FYB1: variants seen among roughly 807,000 people sequenced by gnomAD.
FYB1 encodes the protein FYN binding protein 1.
Under a neutral mutation model 94.1 loss-of-function variants are expected in FYB1, and 41 were observed. The observed-to-expected ratio is 0.44, with a 90% CI of 0.34 to 0.57. The LOEUF (loss-of-function observed/expected upper bound fraction) is 0.57, where lower values mean the gene tolerates loss of function less well. FYB1 is among the 20% of genes least tolerant of loss of function. FYB1 has a pLI of 0.02. For synonymous variants in FYB1, 367 were observed against 353.2 expected (o/e 1.04, Z -0.44); for missense variants, 1,050 against 976.8 (o/e 1.07, Z -1.00).
intron 1 of FYB1, among the ~76,000 whole-genome samples, chr5:39,241,575 C>G (rs1751207378): frequency 6.6e-6 from 1 of 152,096 alleles, no homozygotes; most frequent in African/African-American, 2.4e-5. Flanking sequence ...GGAGTGCAGT[C>G]AACATAGGGA....
intron 1 of FYB1, among the ~76,000 whole-genome samples, chr5:39,242,057 T>G (rs891958087): frequency 6.6e-6 from 1 of 152,184 alleles, no homozygotes; most frequent in Admixed American, 6.5e-5. Context: ...AACTGTTAAA[T>G]CACTATTTTT....
intron 1 of FYB1, among the ~76,000 whole-genome samples, chr5:39,213,774 C>A (rs1019050576): frequency 2.6e-5 from 4 of 152,088 alleles, no homozygotes; most frequent in South Asian, 2.1e-4. Context: ...CATGAACCAT[C>A]TAACTGGTAG....
chr5:39,191,563 T>C (rs895447748), intron 2 of FYB1, among the ~76,000 whole-genome samples: 2 of 152,250 alleles, frequency 1.3e-5, no homozygotes, highest in African/African-American at 4.8e-5. Flanking sequence ...TCTAGATGTT[T>C]TTTTCTACCT....
chr5:39,247,206 G>A (rs835184), intron 1 of FYB1, among the ~76,000 whole-genome samples: 23,750 of 148,660 alleles, frequency 0.16, 5,034 homozygotes, highest in African/African-American at 0.47. Flanking sequence ...TCCTCAGAAG[G>A]GTGACTGGCA....
Position 39,236,699 on chromosome 5 carries a change from C to T in FYB1, c.-27-33712G>A, listed in dbSNP as rs114359561. Among the ~76,000 whole-genome samples, 548 of 152,182 alleles carry T rather than the reference C, an allele frequency of 3.6e-3. 5 individuals carry two copies. The highest frequency in any genetic ancestry group is 0.013 in the African/African-American group (529 of 41,526). ...TATCACAAGATAGCAAGTTATTAAC[C>T]AGCAAATTAAAAGACTGGAAATAAA... is the stretch of plus-strand genomic sequence containing the variant. On this transcript the variant is annotated intron_variant, in intron 1 of 1. Coordinates refer to the FYB1 transcript ENST00000510188.
At chr5:39,110,554 C>A in intron 16 of FYB1, 165 bp from the exon 17 acceptor site, 1 of 478,062 alleles carries the variant, frequency 2.1e-6, no homozygotes, top group Admixed American at 4.0e-5. Flanking sequence ...CTTTTGTGTC[C>A]TTCCTTTCTT....
intron 3 of FYB1, 74 bp from the exon 4 acceptor site, chr5:39,141,215 A>G: frequency 1.0e-6 from 1 of 993,420 alleles, no homozygotes. Context: ...AGGGAAAAGG[A>G]TTATTTCATG....
intron 1 of FYB1, among the ~76,000 whole-genome samples, chr5:39,259,309 C>G (rs1752117187): frequency 6.6e-6 from 1 of 152,210 alleles, no homozygotes; most frequent in South Asian, 2.1e-4. Flanking sequence ...ACAAGAAACC[C>G]TGGACTAAGT....
At chr5:39,172,862 A>G (rs2150402996) in intron 2 of FYB1, among the ~76,000 whole-genome samples, 1 of 152,322 alleles carries the variant, frequency 6.6e-6, no homozygotes. Flanking sequence ...ATGGGCACCT[A>G]GGTTAATTGC....
At chr5:39,182,566 G>T (rs771786252) in intron 2 of FYB1, among the ~76,000 whole-genome samples, 1 of 152,202 alleles carries the variant, frequency 6.6e-6, no homozygotes, top group Non-Finnish European at 1.5e-5. Context: ...GACCCATGCA[G>T]GTACGATTTG....
intron 1 of FYB1, among the ~76,000 whole-genome samples, chr5:39,258,882 G>A (rs1001652889): frequency 7.9e-5 from 12 of 152,282 alleles, no homozygotes; most frequent in Admixed American, 5.2e-4. Context: ...CTGAATAGGC[G>A]GCTGTTGGTT....
intron 3 of FYB1, among the ~76,000 whole-genome samples, chr5:39,144,418 G>C (rs974668493): frequency 1.3e-5 from 2 of 152,080 alleles, no homozygotes; most frequent in South Asian, 4.1e-4. Flanking sequence ...AGATGATGGG[G>C]AACTATAGTA....
chr5:39,186,011 G>T (rs1163220487), intron 2 of FYB1, among the ~76,000 whole-genome samples: 3 of 152,098 alleles, frequency 2.0e-5, no homozygotes, highest in African/African-American at 7.2e-5. Flanking sequence ...GGAGCACCTG[G>T]ATTGAAGACT....
intron 2 of FYB1, among the ~76,000 whole-genome samples, chr5:39,186,786 C>T (rs1024355142): frequency 6.6e-6 from 1 of 151,658 alleles, no homozygotes; most frequent in African/African-American, 2.4e-5. Flanking sequence ...AAATTGCTGC[C>T]AATTATTGTC....
Position 39,202,147 on chromosome 5 carries a change from C to A in FYB1, c.814G>T (p.Gly272Cys), listed in dbSNP as rs61734281. ...TCACCATTTTTGGAGAGACCTGGGC[C>A]TCCCCTGCTCGCAGCAGGTTTCAAA... ...VVLKPAASRG[G>C]PGLSKNGEEK... is the part of the protein sequence containing the mutation. Residue 272 changes from glycine to cysteine, a missense_variant, in exon 2 of 19, where the codon GGC becomes TGC. Transcript: ENST00000512982. 4.7e-5 allele frequency: 76 copies of A among 1,613,906 alleles called. No individual in the cohort carries two copies. The highest frequency in any genetic ancestry group is 1.6e-4 in the Middle Eastern group (1 of 6,084).
intron 12 of FYB1, among the ~76,000 whole-genome samples, chr5:39,124,915 C>CCACACACACACACACACACA (rs56887056): frequency 1.6e-4 from 22 of 139,554 alleles, no homozygotes; most frequent in African/African-American, 5.9e-4. Flanking sequence ...TAAATACACT[C>CCACACACACACACACACACA]CACACACACA....
Position 39,213,505 on chromosome 5 carries a change from A to G in FYB1, c.-28+5938T>C, listed in dbSNP as rs965199339. Among the ~76,000 whole-genome samples, 4 of 152,222 alleles carry G rather than the reference A, an allele frequency of 2.6e-5. No homozygotes were observed. The East Asian group carries it at 7.7e-4, about 29-fold the overall frequency. ...CTACTTATGGTTGTGATCCTGGCAGATCTGAGATGAGCAAGGAAACAGAGC... is the reference window on the plus strand; with the variant it reads ...CTACTTATGGTTGTGATCCTGGCAGGTCTGAGATGAGCAAGGAAACAGAGC... On this transcript the variant is annotated intron_variant, in intron 1 of 18. Transcript: ENST00000512982.
At chr5:39,244,536 G>T (rs2150595213) in intron 1 of FYB1, among the ~76,000 whole-genome samples, 1 of 152,246 alleles carries the variant, frequency 6.6e-6, no homozygotes, top group African/African-American at 2.4e-5. Context: ...GCTGGATTTG[G>T]TTTGCCAGTA....
rs773272458 is a variant in FYB1, at chr5:39,202,668, A to C, written c.293T>G (p.Leu98Trp). ...AGQRFGTPAS[L>W]TTRDPEAKVG... The stretch of plus-strand genomic sequence containing the variant: ...TTTCGCCTCGGGGTCTCTGGTGGTC[A>C]AGCTGGCTGGTGTTCCGAATCTTTG... The change falls in exon 2 of 19, where the codon TTG becomes TGG. Residue 98 changes from leucine to tryptophan, a missense_variant. Coordinates refer to ENST00000512982, the MANE Select transcript of FYB1 (RefSeq NM_001465.6). The C allele has an allele frequency of 1.9e-6, 3 of 1,613,828 alleles. No homozygotes were observed. The highest frequency in any genetic ancestry group is 2.5e-6 in the Non-Finnish European group (3 of 1,179,864).
Sources: allele counts gnomAD v4.1 joint callset (sites outside exome capture counted in the v4.1 genomes callset), GRCh38; gene constraint gnomAD v4.1.1; transcripts MANE v1.5; gene names NCBI Gene and HGNC (gene_info 2026-07-23, HGNC 2026-07-21).